The following CENPT variants were observed in gnomAD, a reference collection of about 807,000 sequenced individuals.
CENPT encodes interphase centromere complex protein 22.
A neutral mutation model predicts 59.7 loss-of-function variants in CENPT; 42 were observed. The observed-to-expected ratio is 0.70, with a 90% CI of 0.55 to 0.91. The LOEUF is 0.91. Ranked by LOEUF, CENPT falls within the 40% of genes least tolerant of loss-of-function variation. The probability of loss-of-function intolerance (pLI) is 0.00; values close to 1 mark genes in which losing one functional copy is unlikely to be tolerated. For synonymous variants in CENPT, 295 were observed against 289.6 expected, an observed-to-expected ratio of 1.02 and a Z score of -0.19; for missense variants, 716 against 713.4, an observed-to-expected ratio of 1.00 and a Z score of -0.04.
intron 1 of CENPT, among the ~76,000 whole-genome samples, chr16:67,837,438 G>T (rs2057740365): frequency 6.6e-6 from 1 of 151,732 alleles, no homozygotes; most frequent in African/African-American, 2.4e-5. Context: ...GCTGGGCGCA[G>T]TGGCTCACAC....
rs764309153 is a variant in CENPT, at chr16:67,831,862, G to A, written c.415C>T (p.Pro139Ser). The A allele has an allele frequency of 2.5e-6, 4 of 1,611,518 alleles. No individual in the cohort carries two copies. The highest frequency in any genetic ancestry group is 1.7e-6 in the Non-Finnish European group (2 of 1,179,304). Reference sequence around the variant, plus strand: ...AGACCTGGAGCCAGGGTTGTGGGGGGCTCGAGCTCAGGAAGTTGCAGCTCC... The same window carrying A: ...AGACCTGGAGCCAGGGTTGTGGGGGACTCGAGCTCAGGAAGTTGCAGCTCC... ...SLELQLPELEPPTTLAPGLLA... is the reference protein window; with the variant it reads ...SLELQLPELESPTTLAPGLLA... The change falls in exon 8 of 16, where the codon CCC (proline) becomes TCC (serine). Residue 139 changes from proline to serine, a missense_variant. Transcript: ENST00000562787.
Position 67,831,809 on chromosome 16 carries a change from CCT to C in CENPT, c.466_467del (p.Arg156AlafsTer25). 1.2e-6 allele frequency: 2 copies of C among 1,600,830 alleles called. No individual in the cohort carries two copies. The highest frequency in any genetic ancestry group is 1.7e-6 in the Non-Finnish European group (2 of 1,174,576). On this transcript the variant is annotated frameshift_variant, in exon 8 of 16. Transcript: ENST00000562787. LOFTEE classifies it high-confidence loss of function. ...CCTGCTGAAACACTGACAGTCTCAG[CCT>C]CTGTTTCCTCCTGCCAGGGGCCAGC... The part of the protein sequence containing the change: ...GLLAPGRRKQ[R>X]LRLSVFQQGV...
At chr16:67,830,214 C>T (rs746359641) in intron 11 of CENPT, 126 bp from the exon 12 acceptor site, 2 of 1,217,878 alleles carry the variant, frequency 1.6e-6, no homozygotes, top group South Asian at 2.6e-5. Flanking sequence ...CCAGAGGCAG[C>T]ACCAGGACAT....
intron 13 of CENPT, 44 bp downstream of exon 13, chr16:67,829,379 C>G (rs2057655539): frequency 4.0e-6 from 6 of 1,483,938 alleles, no homozygotes; most frequent in East Asian, 2.3e-5. Flanking sequence ...ACCCAATGCT[C>G]CCTTCCCAAG....
rs1403700515 is a variant in CENPT at position 67,830,529 on chromosome 16, G to C, written c.723C>G (p.Thr241=). 1.2e-6 allele frequency: 2 copies of C among 1,613,888 alleles called. No individual in the cohort carries two copies. Among genetic ancestry groups the C allele is most frequent in the Non-Finnish European group, 1.7e-6 (2 of 1,179,978 alleles). The change falls in exon 11 of 16, where the codon ACC becomes ACG. Residue 241 remains threonine (T), a synonymous_variant. Transcript: ENST00000562787. ...LAPPNIVLED[T]QPFSQPMVGS... is the part of the protein sequence containing the mutation. Reference sequence around the variant, plus strand: ...CAACCATGGGCTGAGAGAACGGCTGGGTGTCCTCCAACACAATGTCTGTGG... The same window carrying C: ...CAACCATGGGCTGAGAGAACGGCTGCGTGTCCTCCAACACAATGTCTGTGG...
chr16:67,833,828 G>A lies in CENPT; in HGVS notation c.32C>T (p.Thr11Met). Reference sequence around the variant, plus strand: ...CACGCGTCGCAGCAGCGTGCGCGGCGTGGAGTCGCTGTCAGGGTTGTGGTC... The same window carrying A: ...CACGCGTCGCAGCAGCGTGCGCGGCATGGAGTCGCTGTCAGGGTTGTGGTC... The part of the protein sequence containing the change: MADHNPDSDS[T>M]PRTLLRRVLD... Residue 11 changes from threonine (T) to methionine (M), a missense_variant, in exon 4 of 16, where the codon ACG becomes ATG. Physicochemically the swap from Thr to Met is moderately conservative, Grantham distance 81. Coordinates refer to ENST00000562787, the MANE Select transcript of CENPT (RefSeq NM_025082.4). 6.4e-7 allele frequency: 1 copy of A among 1,572,972 alleles called. No individual in the cohort carries two copies.
chr16:67,844,638 GC>G (rs2057785285), intron 1 of CENPT, among the ~76,000 whole-genome samples: 1 of 152,202 alleles, frequency 6.6e-6, no homozygotes, highest in Non-Finnish European at 1.5e-5. Flanking sequence ...GCTGGAGCTA[GC>G]CAGGGCTGCT....
rs2057780916 is a variant in CENPT at position 67,843,826 on chromosome 16, G to T, written c.-492+3575C>A. 1 of 295,262 alleles carries T rather than the reference G, an allele frequency of 3.4e-6. No individual in the cohort carries two copies. The highest frequency in any genetic ancestry group is 6.4e-5 in the South Asian group (1 of 15,666). 18.3% of individuals were successfully genotyped at this position (295,262 alleles called of 1,614,324 possible). On this transcript the variant is annotated intron_variant, in intron 1 of 15. Transcript: ENST00000562787. This position sits in a 1 kb window ranked among gnomAD's most constrained non-coding sequence, Gnocchi z 5.7. Reference sequence around the variant, plus strand: ...TAGGGATGCAGGTGGGATGTCCAGGGACTATAGGTTTGGGAAAACCATACC... The same window carrying T: ...TAGGGATGCAGGTGGGATGTCCAGGTACTATAGGTTTGGGAAAACCATACC...
chr16:67,842,855 C>T lies in CENPT; in HGVS notation c.-492+4546G>A. ...CAGACCCGCTGGGGCCGCGGCCGCC[C>T]GCCGCAGGCAGCAGCAGCAACAGCA... On this transcript the variant is annotated intron_variant, in intron 1 of 15. Transcript: ENST00000562787. The surrounding 1 kb of genome is among the most constrained non-coding windows in gnomAD (Gnocchi z 4.9). 6.2e-7 allele frequency: 1 copy of T among 1,611,072 alleles called. No homozygotes were observed. The highest frequency in any genetic ancestry group is 8.5e-7 in the Non-Finnish European group (1 of 1,179,490).
Position 67,829,774 on chromosome 16 carries a change from C to G in CENPT, c.1177G>C (p.Gly393Arg), listed in dbSNP as rs1772140005. 1 of 1,613,954 alleles carries G rather than the reference C, an allele frequency of 6.2e-7. No individual in the cohort carries two copies. ...GCACTGGGCCTCTTACCTGCCCTGCCAGAGGCATCCTCATCCCCTGAAGAT... is the reference window on the plus strand; with the variant it reads ...GCACTGGGCCTCTTACCTGCCCTGCGAGAGGCATCCTCATCCCCTGAAGAT... ...GASSGDEDAS[G>R]RAASPESASS... The change falls in exon 12 of 16, where the codon GGC (glycine) becomes CGC (arginine). Residue 393 changes from glycine (G) to arginine (R), a missense_variant. Coordinates refer to ENST00000562787, the MANE Select transcript of CENPT (RefSeq NM_025082.4).
intron 1 of CENPT, among the ~76,000 whole-genome samples, chr16:67,836,962 C>T (rs965722996): frequency 1.3e-5 from 2 of 151,946 alleles, no homozygotes; most frequent in Admixed American, 6.6e-5. Context: ...AGGATGGTCT[C>T]GATCTCCTGA....
chr16:67,830,769 G>A, intron 10 of CENPT: 1 of 569,458 alleles, frequency 1.8e-6, no homozygotes, highest in Non-Finnish European at 3.1e-6. Flanking sequence ...CTGTTCCTCT[G>A]CCTGGCAGTC....
At chr16:67,832,406 C>T (rs761965999) in intron 5 of CENPT, 49 bp downstream of exon 5, 3 of 1,609,342 alleles carry the variant, frequency 1.9e-6, no homozygotes, top group African/African-American at 2.7e-5. Context: ...CTCAACCCCC[C>T]TCCCCGAGGC....
At chr16:67,828,896 T>C in intron 13 of CENPT, 53 bp from the exon 14 acceptor site, 1 of 1,515,312 alleles carries the variant, frequency 6.6e-7, no homozygotes, top group Non-Finnish European at 8.8e-7. Flanking sequence ...GAGGCTCTTA[T>C]TCAAGAGCAA....
Position 67,842,972 on chromosome 16 carries a change from G to A in CENPT, c.-492+4429C>T. The A allele has an allele frequency of 1.2e-6, 2 of 1,608,476 alleles. No homozygotes were observed. Among genetic ancestry groups the A allele is most frequent in the Non-Finnish European group, 8.5e-7 (1 of 1,178,072 alleles). On this transcript the variant is annotated intron_variant, in intron 1 of 15. Transcript: ENST00000562787. This position sits in a 1 kb window ranked among gnomAD's most constrained non-coding sequence, Gnocchi z 4.9. ...GCAGTCCTCACCCTCTGCCTCCACTGCCCAGACTGCCCAGCTGCAGCCGAA... is the reference window on the plus strand; with the variant it reads ...GCAGTCCTCACCCTCTGCCTCCACTACCCAGACTGCCCAGCTGCAGCCGAA...
Position 67,828,263 on chromosome 16 carries a change from G to C in CENPT, c.*4C>G, listed in dbSNP as rs2057620454. On this transcript the variant is annotated 3_prime_UTR_variant, in exon 16 of 16. Transcript: ENST00000562787. ...GGGACAGGGAAAGTGTTGAAGCCTG[G>C]CCACTACTGGGCAGGGAAGACAGAG... 6.3e-7 allele frequency: 1 copy of C among 1,580,412 alleles called. No homozygotes were observed. The highest frequency in any genetic ancestry group is 1.3e-5 in the African/African-American group (1 of 74,166).
chr16:67,830,871 C>CTGT, intron 10 of CENPT: 1 of 509,612 alleles, frequency 2.0e-6, no homozygotes. Context: ...CCTCTTCTTA[C>CTGT]TCTGGTGAAC....
At chr16:67,844,018 G>C (rs1462803569) in intron 1 of CENPT, 1 of 167,414 alleles carries the variant, frequency 6.0e-6, no homozygotes, top group Non-Finnish European at 1.5e-5. Flanking sequence ...TTTCCCAGGA[G>C]GCCATTTACA....
chr16:67,840,014 T>A (rs1288609729), intron 1 of CENPT, among the ~76,000 whole-genome samples: 2 of 151,072 alleles, frequency 1.3e-5, no homozygotes, highest in Non-Finnish European at 3.0e-5. Context: ...AATAATATAA[T>A]TAGAAGTAAT....
Sources: gnomAD v4.1 joint callset for allele counts (sites outside exome capture counted in the v4.1 genomes callset) on GRCh38, gnomAD v4.1.1 for gene constraint, Gnocchi (gnomAD v3.1) non-coding constraint, MANE v1.5 for transcripts, NCBI Gene and HGNC (gene_info 2026-07-23, HGNC 2026-07-21) for gene names.